The following RPL12 variants were observed in gnomAD, a reference collection of about 807,000 sequenced individuals.
RPL12 encodes ribosomal protein L12.
A neutral mutation model predicts 24.5 loss-of-function variants in RPL12; 10 were observed. The observed-to-expected ratio is 0.41, with a 90% CI of 0.25 to 0.69. The LOEUF (loss-of-function observed/expected upper bound fraction) is 0.69. RPL12 is among the 30% of genes least tolerant of loss of function. RPL12 has a pLI of 0.33. For synonymous variants in RPL12, 74 were observed against 76.1 expected (o/e 0.97, Z 0.14); for missense variants, 137 against 205.3 (o/e 0.67, Z 2.03).
At chr9:127,448,712 G>C (rs902173975) in intron 4 of RPL12, 29 of 604,068 alleles carry the variant, frequency 4.8e-5, no homozygotes, top group Non-Finnish European at 9.0e-5. Flanking sequence ...AATTGCCAGG[G>C]AGTTAAACTG....
rs1834310974 is a variant in RPL12 at position 127,451,375 on chromosome 9, C to G, written c.-58G>C. 6.2e-7 allele frequency: 1 copy of G among 1,605,320 alleles called. No homozygotes were observed. Among genetic ancestry groups the G allele is most frequent in the Non-Finnish European group, 8.5e-7 (1 of 1,176,402 alleles). On this transcript the variant is annotated 5_prime_UTR_variant, in exon 1 of 7. Transcript: ENST00000361436. ...TTCGGGACGACCGAAGGAAGTTGCA[C>G]CTTGGCCTCCTCCGAGCCGAAAGCC...
rs746195875 is a variant in RPL12, at chr9:127,447,913, G to T, written c.456C>A (p.Ile152=). Residue 152 remains isoleucine, a synonymous_variant, in exon 6 of 7, where the codon ATC becomes ATA. Coordinates refer to ENST00000361436, the MANE Select transcript of RPL12 (RefSeq NM_000976.4). ...NVDGRHPHDI[I]DDINSGAVEC... Reference sequence around the variant, plus strand: ...CCACAGCACCACTGTTGATGTCATCGATGATGTCATGAGGATGGCGGCCAT... The same window carrying T: ...CCACAGCACCACTGTTGATGTCATCTATGATGTCATGAGGATGGCGGCCAT... 3.1e-6 allele frequency: 5 copies of T among 1,613,714 alleles called. No individual in the cohort carries two copies. The highest frequency in any genetic ancestry group is 4.2e-6 in the Non-Finnish European group (5 of 1,179,870).
rs1490744322 is a variant in RPL12, at chr9:127,448,362, G to A, written c.354C>T (p.His118=). The part of the protein sequence containing the change: ...EIVNIARQMR[H]RSLARELSGT... The stretch of plus-strand genomic sequence containing the variant: ...CAGAGAGTTCTCTGGCTAAGGATCG[G>A]TGCCGCATCTGTCGAGCAATGTTGA... Residue 118 remains histidine, a synonymous_variant, in exon 5 of 7, where the codon CAC becomes CAT. Transcript: ENST00000361436. 2 of 1,613,824 alleles carry A rather than the reference G, an allele frequency of 1.2e-6. No homozygotes were observed. The highest frequency in any genetic ancestry group is 1.7e-6 in the Non-Finnish European group (2 of 1,179,696).
At chr9:127,449,557 G>T in intron 3 of RPL12, 53 bp downstream of exon 3, 1 of 1,509,182 alleles carries the variant, frequency 6.6e-7, no homozygotes. Context: ...ATCCCAGAGG[G>T]TTGCTACCTG....
intron 2 of RPL12, 135 bp downstream of exon 2, chr9:127,450,596 T>TAG (rs1460808579): frequency 3.2e-6 from 2 of 622,262 alleles, no homozygotes; most frequent in African/African-American, 3.8e-5. Flanking sequence ...TACCTAGTAC[T>TAG]TGTTCAGTGG....
In RPL12 at chr9:127,447,918, T is replaced by C. The variant is rs756497164; in HGVS notation, c.451A>G (p.Ile151Val). Residue 151 changes from isoleucine to valine, a missense_variant, in exon 6 of 7, where the codon ATC becomes GTC. Transcript: ENST00000361436. Reference sequence around the variant, plus strand: ...GCACCACTGTTGATGTCATCGATGATGTCATGAGGATGGCGGCCATCAACA... The same window carrying C: ...GCACCACTGTTGATGTCATCGATGACGTCATGAGGATGGCGGCCATCAACA... ...CNVDGRHPHD[I>V]IDDINSGAVE... is the part of the protein sequence containing the mutation. 48 of 1,613,492 alleles carry C rather than the reference T, an allele frequency of 3.0e-5. No homozygotes were observed. The highest frequency in any genetic ancestry group is 3.9e-5 in the Non-Finnish European group (46 of 1,179,778).
intron 2 of RPL12, 43 bp downstream of exon 2, chr9:127,450,688 G>GA (rs1834279329): frequency 6.9e-7 from 1 of 1,451,380 alleles, no homozygotes; most frequent in Non-Finnish European, 9.4e-7. Flanking sequence ...CGCTTAAAGT[G>GA]AAACAAATGT....
rs1834227476 is a variant in RPL12, at chr9:127,449,325, T to G, written c.248A>C (p.Lys83Thr). Reference protein sequence around the residue: ...VVPSASALIIKALKEPPRDRK... With the variant: ...VVPSASALIITALKEPPRDRK... ...GTCTCTTGGTGGTTCCTTGAGGGCTTTGATGATCAGGGCAGAGGCAGAAGG... is the reference window on the plus strand; with the variant it reads ...GTCTCTTGGTGGTTCCTTGAGGGCTGTGATGATCAGGGCAGAGGCAGAAGG... Residue 83 changes from lysine to threonine, a missense_variant, in exon 4 of 7, where the codon AAA (lysine) becomes ACA (threonine). By Grantham distance (78) the Lys-to-Thr change is moderately conservative. Around this residue, in one of 3 missense-constraint regions of RPL12, gnomAD observed 118 missense variants for 160.7 expected, o/e 0.73. Coordinates refer to ENST00000361436, the MANE Select transcript of RPL12 (RefSeq NM_000976.4). 6.2e-7 allele frequency: 1 copy of G among 1,611,658 alleles called. No individual in the cohort carries two copies. Among genetic ancestry groups the G allele is most frequent in the Non-Finnish European group, 8.5e-7 (1 of 1,179,984 alleles).
At chr9:127,448,194 C>A in intron 5 of RPL12, 143 bp downstream of exon 5, 1 of 964,952 alleles carries the variant, frequency 1.0e-6, no homozygotes, top group Non-Finnish European at 1.6e-6. Context: ...TTAAACACAT[C>A]CAATTTACGA....
chr9:127,449,658 C>T lies in RPL12; in HGVS notation c.162G>A (p.Lys54=). The T allele has an allele frequency of 6.2e-7, 1 of 1,614,162 alleles. No homozygotes were observed. Among genetic ancestry groups the T allele is most frequent in the South Asian group, 1.1e-5 (1 of 91,086 alleles). Residue 54 remains lysine (K), a synonymous_variant, in exon 3 of 7, where the codon AAG becomes AAA. Coordinates refer to ENST00000361436, the MANE Select transcript of RPL12 (RefSeq NM_000976.4). ...DDIAKATGDW[K]GLRITVKLTI... is the part of the protein sequence containing the mutation. ...TCAGTTTCACTGTAATCCTCAGGCC[C>T]TTCCAGTCACCCGTTGCCTTGGCAA...
At chr9:127,449,752 C>CCA in intron 2 of RPL12, 44 bp from the exon 3 acceptor site, 1 of 1,512,222 alleles carries the variant, frequency 6.6e-7, no homozygotes, top group Admixed American at 1.7e-5. Context: ...CAGAGGTGAA[C>CCA]CACAGCCTTG....
At position 127,449,372 on chromosome 9, in the gene RPL12, A is replaced by G; in HGVS notation, c.211-10T>C. On this transcript the variant is annotated splice_polypyrimidine_tract_variant and intron_variant, in intron 3 of 6. Coordinates refer to ENST00000361436, the MANE Select transcript of RPL12 (RefSeq NM_000976.4). ...AAGGCACCACCTCAATCTGCAGAAG[A>G]GATTCCTGAGTGAATACTCCACCTC... The G allele has an allele frequency of 6.2e-7, 1 of 1,606,032 alleles. No individual in the cohort carries two copies. Among genetic ancestry groups the G allele is most frequent in the Non-Finnish European group, 8.5e-7 (1 of 1,179,020 alleles).
chr9:127,448,541 G>C, intron 4 of RPL12, 118 bp from the exon 5 acceptor site: 1 of 791,180 alleles, frequency 1.3e-6, no homozygotes, highest in South Asian at 1.3e-5. Flanking sequence ...TCCACATGAA[G>C]AACAACCCTG....
intron 4 of RPL12, among the ~76,000 whole-genome samples, chr9:127,448,816 C>G (rs1200529399): frequency 6.7e-6 from 1 of 150,200 alleles, no homozygotes; most frequent in Non-Finnish European, 1.5e-5. Flanking sequence ...CTGCCCCACA[C>G]AGGGACTACA....
At chr9:127,449,494 A>G (rs1834230886) in intron 3 of RPL12, 116 bp downstream of exon 3, 11 of 1,289,850 alleles carry the variant, frequency 8.5e-6, no homozygotes, top group Admixed American at 3.9e-5. Flanking sequence ...AGCCTCCCCA[A>G]CAAGGTGAAA....
At chr9:127,449,018 G>C in intron 4 of RPL12, 1 of 382,188 alleles carries the variant, frequency 2.6e-6, no homozygotes. Flanking sequence ...GTGGAGATGG[G>C]GTTTCACCAT....
chr9:127,449,539 C>T, intron 3 of RPL12, 71 bp downstream of exon 3: 1 of 1,450,146 alleles, frequency 6.9e-7, no homozygotes, highest in Non-Finnish European at 9.6e-7. Flanking sequence ...CAGAAATACT[C>T]TTCAGGAATC....
chr9:127,451,389 G>A lies in RPL12; in HGVS notation c.-72C>T, dbSNP rs529197347. The A allele has an allele frequency of 2.5e-6, 4 of 1,590,008 alleles. No individual in the cohort carries two copies. Among genetic ancestry groups the A allele is most frequent in the East Asian group, 4.5e-5 (2 of 44,470 alleles). On this transcript the variant is annotated 5_prime_UTR_variant, in exon 1 of 7. Transcript: ENST00000361436. ...AGGAAGTTGCACCTTGGCCTCCTCC[G>A]AGCCGAAAGCCGAGAGGCCGGAAAT...
At chr9:127,448,035 TCA>T in intron 5 of RPL12, 46 bp from the exon 6 acceptor site, 1 of 1,561,674 alleles carries the variant, frequency 6.4e-7, no homozygotes. Flanking sequence ...GCTCAGTCCC[TCA>T]CAATCTGCAG....
Sources: allele counts gnomAD v4.1 joint callset (sites outside exome capture counted in the v4.1 genomes callset), GRCh38; gene constraint gnomAD v4.1.1; regional missense constraint gnomAD v4.1.1; transcripts MANE v1.5; gene names NCBI Gene and HGNC (gene_info 2026-07-23, HGNC 2026-07-21).